Variants in NDUFS2 observed in about 807,000 individuals in gnomAD.
NDUFS2 encodes NADH dehydrogenase [ubiquinone] iron-sulfur protein 2, mitochondrial.
NDUFS2 carries 38 observed loss-of-function variants against 69.6 expected under a neutral mutation model. That is an observed-to-expected ratio of 0.55 (90% CI 0.42 to 0.72). The LOEUF (loss-of-function observed/expected upper bound fraction) is 0.72, where lower values mean the gene tolerates loss of function less well. NDUFS2 is among the 30% of genes least tolerant of loss of function. NDUFS2 has a pLI of 0.00. For missense variants in NDUFS2, 468 were observed against 595.0 expected (o/e 0.79, Z 2.22); for synonymous variants, 194 against 211.2 (o/e 0.92, Z 0.70).
upstream of NDUFS2, chr1:161,197,897 G>A (rs1224899447): frequency 5.4e-6 from 8 of 1,487,778 alleles, no homozygotes; most frequent in East Asian, 4.6e-5. Context: ...GAAGCAGAAC[G>A]GCCAGAAGTG....
At chr1:161,207,411 G>A (rs186017571) in intron 3 of NDUFS2, among the ~76,000 whole-genome samples, 443 of 152,296 alleles carry the variant, frequency 2.9e-3, no homozygotes, top group Non-Finnish European at 4.9e-3. Flanking sequence ...GCTAGGACTT[G>A]GCTTTTTGGC....
chr1:161,203,681 G>C (rs1285938984), intron 2 of NDUFS2, 138 bp downstream of exon 2: 1 of 755,382 alleles, frequency 1.3e-6, no homozygotes, highest in Non-Finnish European at 2.3e-6. Flanking sequence ...CTGTAGCCTT[G>C]AACTTCTGGG....
At chr1:161,203,730 GCAA>G (rs1665300826) in intron 2 of NDUFS2, 187 bp downstream of exon 2, 2 of 640,080 alleles carry the variant, frequency 3.1e-6, no homozygotes, top group Non-Finnish European at 5.7e-6. Flanking sequence ...CCAGAAAGCC[GCAA>G]CAACAGGCCT....
intron 9 of NDUFS2, 59 bp from the exon 10 acceptor site, chr1:161,212,292 C>T: frequency 6.2e-7 from 1 of 1,609,232 alleles, no homozygotes; most frequent in Non-Finnish European, 8.5e-7. Context: ...GGGCATCCTT[C>T]CTAGCCCCAT....
At chr1:161,201,125 C>G (rs2102025008), upstream of NDUFS2, among the ~76,000 whole-genome samples, 1 of 152,270 alleles carries the variant, frequency 6.6e-6, no homozygotes, top group Admixed American at 6.5e-5. Flanking sequence ...ACAGAGGGAC[C>G]AAACCTCTGC....
In NDUFS2 at chr1:161,209,497, A is replaced by C. The variant is rs1256169692; in HGVS notation, c.529A>C (p.Ile177Leu). The stretch of plus-strand genomic sequence containing the variant: ...TGTCTTCACAGTGCTGTTTGGAGAA[A>C]TCACACGTTTGTTGAACCACATCAT... ...AQWIRVLFGEITRLLNHIMAV... is the reference protein window; with the variant it reads ...AQWIRVLFGELTRLLNHIMAV... The change falls in exon 5 of 14, where the codon ATC (isoleucine) becomes CTC (leucine). Residue 177 changes from isoleucine (I) to leucine (L), a missense_variant. Coordinates refer to ENST00000676972, the MANE Select transcript of NDUFS2 (RefSeq NM_001377299.1). The C allele has an allele frequency of 1.2e-6, 2 of 1,613,790 alleles. No homozygotes were observed. Among genetic ancestry groups the C allele is most frequent in the Non-Finnish European group, 1.7e-6 (2 of 1,179,986 alleles).
intron 2 of NDUFS2, among the ~76,000 whole-genome samples, chr1:161,204,712 A>G (rs1363988839): frequency 1.3e-5 from 2 of 152,176 alleles, no homozygotes; most frequent in African/African-American, 4.8e-5. Flanking sequence ...TTTAATCTTT[A>G]CAACAGCTCT....
At chr1:161,206,378 G>A (rs760559417) in intron 2 of NDUFS2, 29 bp from the exon 3 acceptor site, 2 of 1,612,158 alleles carry the variant, frequency 1.2e-6, no homozygotes, top group Non-Finnish European at 1.7e-6. Flanking sequence ...GAATAACCAT[G>A]TGGCTCTGAA....
rs10629771 is a variant in NDUFS2, at chr1:161,214,269, C to CTGTGTGTGTGTGTGTGTGTG, written c.*88_*107dup. The CTGTGTGTGTGTGTGTGTGTG allele has an allele frequency of 4.3e-5, 39 of 896,580 alleles. No homozygotes were observed. The African/African-American group carries it at 6.4e-4, about 15-fold the overall frequency. The allele number at this position is 896,580 out of a possible 1,614,324, so 55.5% of individuals were successfully genotyped here. ...CCTGTTCCTCACTGGAAATTGGCCTCTGTGTGTGTGTGTGTGTGTGTGTGT... is the reference window on the plus strand; with the variant it reads ...CCTGTTCCTCACTGGAAATTGGCCTCTGTGTGTGTGTGTGTGTGTGTGTGTGTGTGTGTGTGTGTGTGTGT... On this transcript the variant is annotated 3_prime_UTR_variant, in exon 14 of 14. Coordinates refer to ENST00000676972, the MANE Select transcript of NDUFS2 (RefSeq NM_001377299.1).
chr1:161,209,388 C>G lies in NDUFS2; in HGVS notation c.514+75C>G, dbSNP rs922520707. On this transcript the variant is annotated intron_variant, in intron 4 of 13. Coordinates refer to ENST00000676972, the MANE Select transcript of NDUFS2 (RefSeq NM_001377299.1). ...CCTTTTCCACCACTTCCCCGTTGAA[C>G]CCAAGCTTAGTGTTCAGACCCCAGG... is the stretch of plus-strand genomic sequence containing the variant. The G allele has an allele frequency of 5.0e-6, 8 of 1,611,934 alleles. No individual in the cohort carries two copies. The Admixed American group carries it at 6.7e-5, about 13-fold the overall frequency.
rs560331312 is a variant in NDUFS2, at chr1:161,212,258, C to T, written c.987-93C>T. Reference sequence around the variant, plus strand: ...GGAGAAAAGAGTGGGGAGAGTTGACCTAACCCTTTTGAGGTTGGCCAAAGG... The same window carrying T: ...GGAGAAAAGAGTGGGGAGAGTTGACTTAACCCTTTTGAGGTTGGCCAAAGG... On this transcript the variant is annotated intron_variant, in intron 9 of 13. Coordinates refer to ENST00000676972, the MANE Select transcript of NDUFS2 (RefSeq NM_001377299.1). 1.8e-5 allele frequency: 27 copies of T among 1,525,870 alleles called. 1 individual carries two copies. The African/African-American group carries it at 3.3e-4, about 19-fold the overall frequency. 94.5% of individuals were successfully genotyped at this position (1,525,870 alleles called of 1,614,324 possible). A position where few individuals can be genotyped will look rare whatever the true frequency, so the allele number is the denominator to read the frequency against.
At chr1:161,204,903 T>C (rs111849440) in intron 2 of NDUFS2, among the ~76,000 whole-genome samples, 7 of 152,038 alleles carry the variant, frequency 4.6e-5, no homozygotes, top group African/African-American at 1.7e-4. Context: ...ATACAGAAAT[T>C]AGCCAGGCGT....
intron 2 of NDUFS2, among the ~76,000 whole-genome samples, chr1:161,204,975 T>C (rs1665379725): frequency 3.3e-5 from 5 of 151,032 alleles, no homozygotes; most frequent in Admixed American, 2.6e-4. Context: ...CGCTTGAACC[T>C]GGGAGGTGGA....
chr1:161,209,262 G>A lies in NDUFS2; in HGVS notation c.463G>A (p.Val155Met), dbSNP rs755136566. The A allele has an allele frequency of 6.2e-7, 1 of 1,614,182 alleles. No homozygotes were observed. The highest frequency in any genetic ancestry group is 1.1e-5 in the South Asian group (1 of 91,078). The change falls in exon 4 of 14, where the codon GTG (valine) becomes ATG (methionine). Residue 155 changes from valine to methionine, a missense_variant. Coordinates refer to ENST00000676972, the MANE Select transcript of NDUFS2 (RefSeq NM_001377299.1). ...MCNEQAYSLA[V>M]EKLLNIRPPP... ...TAACGAACAGGCCTATTCTCTAGCTGTGGAGAAGTTGCTAAACATCCGGCC... is the reference window on the plus strand; with the variant it reads ...TAACGAACAGGCCTATTCTCTAGCTATGGAGAAGTTGCTAAACATCCGGCC...
Position 161,214,137 on chromosome 1 carries a change from C to T in NDUFS2, c.1355-19C>T. On this transcript the variant is annotated intron_variant, in intron 13 of 13. Transcript: ENST00000676972. ...GGAAGATAAGTAACATCACTTTTTT[C>T]CTCCATCCTCTCACCTAGGTACCCA... The T allele has an allele frequency of 6.2e-7, 1 of 1,613,830 alleles. No individual in the cohort carries two copies. The highest frequency in any genetic ancestry group is 8.5e-7 in the Non-Finnish European group (1 of 1,179,888).
intron 2 of NDUFS2, among the ~76,000 whole-genome samples, chr1:161,206,083 A>C (rs1028366678): frequency 6.6e-6 from 1 of 152,220 alleles, no homozygotes; most frequent in Non-Finnish European, 1.5e-5. Context: ...AAAGTGCCTA[A>C]GGTAGTGCCT....
chr1:161,210,943 C>T (rs189178065), intron 9 of NDUFS2, among the ~76,000 whole-genome samples: 1 of 152,270 alleles, frequency 6.6e-6, no homozygotes, highest in Admixed American at 6.5e-5. Context: ...GGTGCAATCT[C>T]GGCTCACTGC....
At chr1:161,208,116 CT>C (rs1371872852) in intron 3 of NDUFS2, among the ~76,000 whole-genome samples, 4 of 151,046 alleles carry the variant, frequency 2.6e-5, no homozygotes, top group African/African-American at 9.8e-5. Context: ...TCCCAAATAG[CT>C]GGGATTACAG....
At chr1:161,212,739 A>C (rs1377727860) in intron 10 of NDUFS2, 1 of 378,976 alleles carries the variant, frequency 2.6e-6, no homozygotes, top group Admixed American at 3.7e-5. Context: ...TTTTGTATTC[A>C]GTAGAGACAG....
Sources: gnomAD v4.1 joint callset for allele counts (sites outside exome capture counted in the v4.1 genomes callset) on GRCh38, gnomAD v4.1.1 for gene constraint, MANE v1.5 for transcripts, NCBI Gene and HGNC (gene_info 2026-07-23, HGNC 2026-07-21) for gene names.